The following HEG1 variants were observed in gnomAD, a reference collection of about 807,000 sequenced individuals.
HEG1 encodes heart development protein with EGF like domains 1, also known as protein HEG homolog 1.
Under a neutral mutation model 125.6 loss-of-function variants are expected in HEG1, and 56 were observed. That is an observed-to-expected ratio of 0.45 (90% confidence interval 0.36 to 0.56). HEG1 has a LOEUF of 0.56. Among genes scored for constraint, HEG1 ranks in the 20% least tolerant of loss-of-function variants. The probability of loss-of-function intolerance (pLI) is 0.00; values close to 1 mark genes in which losing one functional copy is unlikely to be tolerated. For synonymous variants in HEG1, 644 were observed against 668.5 expected (o/e 0.96, Z 0.57); for missense variants, 1,523 against 1,670.0 (o/e 0.91, Z 1.53).
In HEG1 at chr3:124,973,879, A is replaced by C. The variant is rs1247258249; in HGVS notation, c.3848T>G (p.Leu1283Arg). The C allele has an allele frequency of 4.3e-6, 7 of 1,612,432 alleles. No individual in the cohort carries two copies. The highest frequency in any genetic ancestry group is 5.9e-6 in the Non-Finnish European group (7 of 1,179,116). Residue 1283 changes from leucine to arginine, a missense_variant, in exon 16 of 17, where the codon CTC becomes CGC. Leu to Arg is a moderately radical substitution (Grantham distance 102). Transcript: ENST00000311127. ...TTGGAAATCTCCACTTTTGAAGATGAGTTTGCTTATGTCATTTTTATTCTT... is the reference window on the plus strand; with the variant it reads ...TTGGAAATCTCCACTTTTGAAGATGCGTTTGCTTATGTCATTTTTATTCTT... ...CRKNKNDISK[L>R]IFKSGDFQMS... is the part of the protein sequence containing the mutation.
intron 5 of HEG1, among the ~76,000 whole-genome samples, chr3:125,015,262 G>A (rs1391133252): frequency 1.3e-5 from 2 of 152,194 alleles, no homozygotes; most frequent in East Asian, 1.9e-4. Context: ...AAATAGGATC[G>A]ATACTAGATT....
At chr3:125,034,070 T>C (rs377579552) in intron 1 of HEG1, among the ~76,000 whole-genome samples, 2 of 148,840 alleles carry the variant, frequency 1.3e-5, no homozygotes, top group East Asian at 4.1e-4. Context: ...TACACACACA[T>C]CCTGTTAATA....
At chr3:125,019,865 G>C (rs1449761028) in intron 4 of HEG1, among the ~76,000 whole-genome samples, 1 of 152,224 alleles carries the variant, frequency 6.6e-6, no homozygotes, top group African/African-American at 2.4e-5. Flanking sequence ...ATAGGCTTGA[G>C]TGTTTCATTC....
chr3:124,993,271 C>T, intron 12 of HEG1, among the ~76,000 whole-genome samples: 1 of 152,222 alleles, frequency 6.6e-6, no homozygotes, highest in East Asian at 1.9e-4. Flanking sequence ...TCCCCTTTAA[C>T]CTGATTTACC....
chr3:125,055,511 C>T (rs1469006535), intron 1 of HEG1, 64 bp downstream of exon 1: 9 of 1,082,708 alleles, frequency 8.3e-6, no homozygotes, highest in African/African-American at 1.7e-5. Context: ...GGGGATGCAG[C>T]CCGGGGCGCG....
At position 125,005,414 on chromosome 3, in the gene HEG1, T is replaced by G. The variant is rs200979690; in HGVS notation, c.3194-46A>C. The G allele has an allele frequency of 1.8e-5, 19 of 1,055,536 alleles. No homozygotes were observed. In the African/African-American group the frequency reaches 2.9e-4, roughly 16 times the overall value. 65.4% of individuals were successfully genotyped at this position (1,055,536 alleles called of 1,614,324 possible). The stretch of plus-strand genomic sequence containing the variant: ...TGTTAGATTACACAACAGAAGAACC[T>G]ATGCAAGGCTGTGTGTTTGCACATC... On this transcript the variant is annotated intron_variant, in intron 8 of 16. Coordinates refer to ENST00000311127, the MANE Select transcript of HEG1 (RefSeq NM_020733.2).
intron 1 of HEG1, among the ~76,000 whole-genome samples, chr3:125,041,644 C>T (rs1037584938): frequency 2.0e-5 from 3 of 152,186 alleles, no homozygotes; most frequent in African/African-American, 4.8e-5. Context: ...GACACTTATG[C>T]ACCCATTTTC....
intron 3 of HEG1, among the ~76,000 whole-genome samples, chr3:125,022,160 G>C (rs1196279213): frequency 1.3e-5 from 2 of 152,170 alleles, no homozygotes; most frequent in Admixed American, 1.3e-4. Context: ...GGAAAGCTTA[G>C]GGAATGGAAA....
In HEG1 at chr3:125,019,447, T is replaced by A. The variant is rs1937303359; in HGVS notation, c.1403A>T (p.Asp468Val). 1.9e-6 allele frequency: 3 copies of A among 1,614,014 alleles called. No individual in the cohort carries two copies. Among genetic ancestry groups the A allele is most frequent in the Non-Finnish European group, 2.5e-6 (3 of 1,179,888 alleles). ...ATATGAAGCAGAGCTTCCTGTCACA[T>A]CTGCAGATGTTGTGCTGTTGGTCAA... ...WLLTNSTTSA[D>V]VTGSSASYPE... The change falls in exon 5 of 17, where the codon GAT (aspartate) becomes GTT (valine). Residue 468 changes from aspartate (D) to valine (V), a missense_variant. Transcript: ENST00000311127.
At chr3:124,974,875 T>C (rs1936507024) in intron 15 of HEG1, among the ~76,000 whole-genome samples, 1 of 152,194 alleles carries the variant, frequency 6.6e-6, no homozygotes, top group African/African-American at 2.4e-5. Context: ...ACTGTGTTGC[T>C]TCCTGGTGGG....
intron 1 of HEG1, among the ~76,000 whole-genome samples, chr3:125,046,381 A>G (rs1301963762): frequency 7.8e-6 from 1 of 127,420 alleles, no homozygotes; most frequent in South Asian, 2.5e-4. Context: ...ATGTATATGT[A>G]TATATATATA....
Position 125,051,179 on chromosome 3 carries a change from A to G in HEG1, c.316+4396T>C, listed in dbSNP as rs374233457. 1.2e-4 allele frequency among the ~76,000 whole-genome samples: 18 copies of G among 152,358 alleles called. No individual in the cohort carries two copies. In the East Asian group the frequency reaches 2.3e-3, roughly 20 times the overall value. On this transcript the variant is annotated intron_variant, in intron 1 of 16. Coordinates refer to ENST00000311127, the MANE Select transcript of HEG1 (RefSeq NM_020733.2). ...AATCTCTATATAAAATGTCATTTTA[A>G]AGACTTGTGGTCTTGTCTCAGGTAA...
At chr3:125,023,939 A>G (rs1392330700) in intron 3 of HEG1, among the ~76,000 whole-genome samples, 1 of 150,716 alleles carries the variant, frequency 6.6e-6, no homozygotes, top group African/African-American at 2.4e-5. Context: ...CCTGACTGCT[A>G]TCCAGAACTT....
At chr3:125,036,840 G>A (rs757082837) in intron 1 of HEG1, among the ~76,000 whole-genome samples, 4 of 152,156 alleles carry the variant, frequency 2.6e-5, no homozygotes, top group Non-Finnish European at 1.5e-5. Context: ...ACTTTCATAC[G>A]ATATTGGTAA....
At chr3:124,998,191 G>A (rs939302696) in intron 11 of HEG1, among the ~76,000 whole-genome samples, 2 of 152,186 alleles carry the variant, frequency 1.3e-5, no homozygotes. Context: ...GCGGAGGAAG[G>A]ATCAGCACAA....
At chr3:124,996,034 C>T (rs1047832957) in intron 12 of HEG1, among the ~76,000 whole-genome samples, 2 of 152,154 alleles carry the variant, frequency 1.3e-5, no homozygotes, top group Admixed American at 6.6e-5. Context: ...CGCCCCAACA[C>T]ACATGGATGT....
intron 14 of HEG1, among the ~76,000 whole-genome samples, chr3:124,981,639 C>T (rs917211335): frequency 2.6e-5 from 4 of 152,072 alleles, no homozygotes; most frequent in Admixed American, 1.3e-4. Context: ...TGGACCAGAC[C>T]GTGGGTAGCA....
chr3:124,983,543 C>T (rs1166732198), intron 14 of HEG1, among the ~76,000 whole-genome samples: 1 of 151,382 alleles, frequency 6.6e-6, no homozygotes, highest in Non-Finnish European at 1.5e-5. Flanking sequence ...CTATGTTGCC[C>T]AGGTTGGTCT....
At chr3:125,009,298 T>A (rs532974216) in intron 8 of HEG1, among the ~76,000 whole-genome samples, 6 of 152,302 alleles carry the variant, frequency 3.9e-5, no homozygotes, top group Admixed American at 2.0e-4. Context: ...TTTTTTTTTT[T>A]TTATTATGTG....
Sources: gnomAD v4.1 joint callset for allele counts (sites outside exome capture counted in the v4.1 genomes callset) on GRCh38, gnomAD v4.1.1 for gene constraint, MANE v1.5 for transcripts, NCBI Gene and HGNC (gene_info 2026-07-23, HGNC 2026-07-21) for gene names.